The following TRAPPC9 variants were observed in gnomAD, a reference collection of about 807,000 sequenced individuals.
TRAPPC9 encodes the protein trafficking protein particle complex subunit 9.
Under a neutral mutation model 124.0 loss-of-function variants are expected in TRAPPC9, and 83 were observed. The observed-to-expected ratio is 0.67, with a 90% CI of 0.56 to 0.80. The LOEUF (loss-of-function observed/expected upper bound fraction) is 0.80. TRAPPC9 is among the 30% of genes least tolerant of loss of function. TRAPPC9 has a pLI of 0.00. For synonymous variants in TRAPPC9, 638 were observed against 617.5 expected (o/e 1.03, Z -0.49); for missense variants, 1,302 against 1,508.3 (o/e 0.86, Z 2.27).
chr8:140,002,796 A>G (rs1170860732), intron 18 of TRAPPC9, among the ~76,000 whole-genome samples: 3 of 149,202 alleles, frequency 2.0e-5, no homozygotes, highest in Non-Finnish European at 4.5e-5. Flanking sequence ...AACGGAGAAG[A>G]GATAATCCAT....
At chr8:139,737,478 C>CCCCCCCCCCCCCCA (rs1554633750) in intron 21 of TRAPPC9, among the ~76,000 whole-genome samples, 1 of 127,210 alleles carries the variant, frequency 7.9e-6, no homozygotes, top group African/African-American at 3.0e-5. Context: ...CCCCCCCCCC[C>CCCCCCCCCCCCCCA]ACGGAAAACC....
At chr8:139,819,735 C>T (rs932071939) in intron 21 of TRAPPC9, among the ~76,000 whole-genome samples, 5 of 152,032 alleles carry the variant, frequency 3.3e-5, no homozygotes, top group East Asian at 1.9e-4. Flanking sequence ...CCATCCAGGC[C>T]GGGCGCAGTG....
chr8:140,132,958 G>C (rs2061233430), intron 17 of TRAPPC9, among the ~76,000 whole-genome samples: 1 of 152,168 alleles, frequency 6.6e-6, no homozygotes, highest in Non-Finnish European at 1.5e-5. Context: ...GGACTAGATG[G>C]CTTCACTAGA....
At chr8:139,902,061 AGT>A (rs1340637667) in intron 20 of TRAPPC9, among the ~76,000 whole-genome samples, 14 of 151,884 alleles carry the variant, frequency 9.2e-5, no homozygotes, top group Admixed American at 5.9e-4. Flanking sequence ...CTAAAAATAC[AGT>A]GTGTATATGT....
At chr8:140,261,974 C>A (rs1458745830) in intron 15 of TRAPPC9, among the ~76,000 whole-genome samples, 3 of 152,214 alleles carry the variant, frequency 2.0e-5, no homozygotes, top group Admixed American at 2.0e-4. Context: ...CATCTAAGCT[C>A]TATGGAGTAC....
At chr8:140,234,938 A>C (rs1425703678) in intron 16 of TRAPPC9, among the ~76,000 whole-genome samples, 1 of 152,262 alleles carries the variant, frequency 6.6e-6, no homozygotes. Flanking sequence ...AGAGGAAAAT[A>C]ATTATAATAC....
chr8:140,337,425 A>G (rs2067072105), intron 9 of TRAPPC9, among the ~76,000 whole-genome samples: 1 of 152,222 alleles, frequency 6.6e-6, no homozygotes, highest in Non-Finnish European at 1.5e-5. Context: ...CATTCTAAGA[A>G]GATAAATACT....
chr8:140,273,382 G>A (rs376429245), intron 15 of TRAPPC9, among the ~76,000 whole-genome samples: 2 of 152,212 alleles, frequency 1.3e-5, no homozygotes, highest in Admixed American at 6.5e-5. Flanking sequence ...TGGCCCCGGA[G>A]TGACACAAGG....
intron 21 of TRAPPC9, among the ~76,000 whole-genome samples, chr8:139,748,760 G>A (rs1819124985): frequency 6.6e-6 from 1 of 152,040 alleles, no homozygotes; most frequent in Non-Finnish European, 1.5e-5. Context: ...TGCACCTTGT[G>A]CCCATGTGTG....
chr8:140,129,920 C>T (rs932356928), intron 17 of TRAPPC9, among the ~76,000 whole-genome samples: 5 of 152,202 alleles, frequency 3.3e-5, no homozygotes, highest in South Asian at 2.1e-4. Context: ...CAGTGGCATC[C>T]GAATCAGCTA....
intron 20 of TRAPPC9, among the ~76,000 whole-genome samples, chr8:139,889,955 G>T (rs1043454964): frequency 4.6e-5 from 7 of 152,204 alleles, no homozygotes; most frequent in African/African-American, 1.7e-4. Flanking sequence ...TCCATGAGGG[G>T]TGCTCCTTCT....
intron 12 of TRAPPC9, among the ~76,000 whole-genome samples, chr8:140,290,746 A>G (rs533756456): frequency 1.3e-5 from 2 of 152,318 alleles, no homozygotes; most frequent in African/African-American, 2.4e-5. Flanking sequence ...TACCCAATCA[A>G]CTAAGCTCGG....
At chr8:140,242,151 AG>A (rs2063872909) in intron 16 of TRAPPC9, among the ~76,000 whole-genome samples, 1 of 134,086 alleles carries the variant, frequency 7.5e-6, no homozygotes, top group Non-Finnish European at 1.6e-5. Flanking sequence ...AGAGAGAGAG[AG>A]AGAGAGAGAG....
chr8:139,814,341 C>G (rs540017715), intron 21 of TRAPPC9, among the ~76,000 whole-genome samples: 3 of 152,334 alleles, frequency 2.0e-5, no homozygotes, highest in East Asian at 1.9e-4. Flanking sequence ...CAGTCACCGT[C>G]GCTGCTCAGA....
chr8:139,870,345 T>A (rs937308172), intron 21 of TRAPPC9, among the ~76,000 whole-genome samples: 2 of 152,184 alleles, frequency 1.3e-5, no homozygotes, highest in African/African-American at 4.8e-5. Flanking sequence ...AAAAATGTAA[T>A]CCAAATGAAG....
At chr8:140,282,757 A>C (rs969227208) in intron 14 of TRAPPC9, among the ~76,000 whole-genome samples, 9 of 152,222 alleles carry the variant, frequency 5.9e-5, no homozygotes, top group Admixed American at 3.3e-4. Flanking sequence ...ACTATATATG[A>C]TGTCATGTAA....
intron 14 of TRAPPC9, among the ~76,000 whole-genome samples, chr8:140,280,983 A>G (rs1366338954): frequency 3.9e-5 from 6 of 152,118 alleles, no homozygotes; most frequent in African/African-American, 1.4e-4. Context: ...TCGTCCCTTC[A>G]TTGCGGAGTG....
chr8:139,850,906 A>G, intron 21 of TRAPPC9, among the ~76,000 whole-genome samples: 1 of 152,232 alleles, frequency 6.6e-6, no homozygotes, highest in East Asian at 1.9e-4. Context: ...CTGATATGGC[A>G]GGATCAAGAT....
At position 140,385,709 on chromosome 8, in the gene TRAPPC9, C is replaced by T. The variant is rs188489923; in HGVS notation, c.1134+11911G>A. 3.8e-3 allele frequency among the ~76,000 whole-genome samples: 572 copies of T among 152,206 alleles called. 1 individual carries two copies. The highest frequency in any genetic ancestry group is 7.9e-3 in the African/African-American group (330 of 41,526). ...CAACCAAAAAAAGTCCAGGACCAGA[C>T]GGATTCACAGCCGAATTCTACCAGA... On this transcript the variant is annotated intron_variant, in intron 7 of 22. Coordinates refer to ENST00000438773, the MANE Select transcript of TRAPPC9 (RefSeq NM_001160372.4).
Sources: gnomAD v4.1 joint callset for allele counts (sites outside exome capture counted in the v4.1 genomes callset) on GRCh38, gnomAD v4.1.1 for gene constraint, MANE v1.5 for transcripts, NCBI Gene and HGNC (gene_info 2026-07-23, HGNC 2026-07-21) for gene names.